The following CCDC57 variants were observed in gnomAD, a reference collection of about 807,000 sequenced individuals.
The protein encoded by CCDC57 is coiled-coil domain containing 57, also known as coiled-coil domain-containing protein 57.
Under a neutral mutation model 118.9 loss-of-function variants are expected in CCDC57, and 118 were observed. The ratio of observed to expected loss-of-function variants is 0.99; its 90% CI spans 0.86 to 1.16. The LOEUF (loss-of-function observed/expected upper bound fraction) is 1.16. Ranked by LOEUF, CCDC57 falls within the 50% of genes most tolerant of loss-of-function variation. The pLI is 0.00. For missense variants in CCDC57, 1,300 were observed against 1,320.7 expected, an observed-to-expected ratio of 0.98 and a Z score of 0.24; for synonymous variants, 527 against 532.9, an observed-to-expected ratio of 0.99 and a Z score of 0.15.
At chr17:82,104,968 C>G (rs1001704023) in intron 19 of CCDC57, 23 of 152,404 alleles carry the variant, frequency 1.5e-4, no homozygotes, top group African/African-American at 5.3e-4. Flanking sequence ...GAGCTGGTCC[C>G]CAGCTTTCTG....
At chr17:82,138,519 C>T (rs1025991746) in intron 16 of CCDC57, among the ~76,000 whole-genome samples, 3 of 151,812 alleles carry the variant, frequency 2.0e-5, no homozygotes, top group Non-Finnish European at 4.4e-5. Context: ...TGCCCTCCAG[C>T]CTGCATGACA....
intron 2 of CCDC57, among the ~76,000 whole-genome samples, chr17:82,204,569 G>A (rs1014188380): frequency 2.0e-5 from 3 of 152,196 alleles, no homozygotes; most frequent in African/African-American, 7.2e-5. Flanking sequence ...GGATCATAAG[G>A]TCAGGAGATT....
At chr17:82,157,828 T>C in exon 15 of CCDC57, 2 of 1,604,324 alleles carry the variant, frequency 1.2e-6, no homozygotes, top group East Asian at 2.2e-5. Context: ...TGGGCTATCC[T>C]GAGATGCTTC....
At chr17:82,208,697 AT>A (rs58043347) in intron 1 of CCDC57, among the ~76,000 whole-genome samples, 7,140 of 150,466 alleles carry the variant, frequency 0.047, 217 homozygotes, top group African/African-American at 0.089. Flanking sequence ...TGCCCAGTTA[AT>A]TTTTTTTTTA....
intron 17 of CCDC57, among the ~76,000 whole-genome samples, chr17:82,133,489 C>T (rs923222784): frequency 1.5e-5 from 2 of 132,488 alleles, no homozygotes; most frequent in African/African-American, 5.6e-5. Flanking sequence ...ACTTATCATA[C>T]CAGATTAAAA....
chr17:82,207,390 G>A (rs2049799789), intron 2 of CCDC57, among the ~76,000 whole-genome samples: 1 of 151,526 alleles, frequency 6.6e-6, no homozygotes, highest in Admixed American at 6.6e-5. Context: ...TGCAGCTACA[G>A]GCTACAAGAT....
At chr17:82,107,766 C>G (rs192170116) in intron 19 of CCDC57, 1 of 374,036 alleles carries the variant, frequency 2.7e-6, no homozygotes, top group Non-Finnish European at 5.4e-6. Context: ...CGTGGACCGG[C>G]GTCCACCTGA....
chr17:82,181,936 G>C (rs2046258047), intron 9 of CCDC57, among the ~76,000 whole-genome samples: 1 of 152,034 alleles, frequency 6.6e-6, no homozygotes, highest in Non-Finnish European at 1.5e-5. Context: ...TGGCCAACAT[G>C]GTGAAACCCT....
At chr17:82,206,012 C>T (rs906355104) in intron 2 of CCDC57, among the ~76,000 whole-genome samples, 5 of 152,252 alleles carry the variant, frequency 3.3e-5, no homozygotes, top group African/African-American at 7.2e-5. Flanking sequence ...AGCATCTGGA[C>T]GCAATCTGCC....
chr17:82,144,045 G>C (rs2040385764), intron 16 of CCDC57, among the ~76,000 whole-genome samples: 1 of 142,552 alleles, frequency 7.0e-6, no homozygotes, highest in Non-Finnish European at 1.5e-5. Flanking sequence ...CAGACAGCAA[G>C]ATTCCATCTC....
rs552798816 is a variant in CCDC57, at chr17:82,139,793, A to G, written c.2456-5599T>C. Reference sequence around the variant, plus strand: ...GCACAGGCTTCTGATGGCGGCATTTAGATGACACTGAGCCCATCCCAGGAC... The same window carrying G: ...GCACAGGCTTCTGATGGCGGCATTTGGATGACACTGAGCCCATCCCAGGAC... On this transcript the variant is annotated intron_variant, in intron 16 of 19. Transcript: ENST00000665763. Among the ~76,000 whole-genome samples the G allele has an allele frequency of 3.3e-5, 5 of 152,316 alleles. No individual in the cohort carries two copies. In the South Asian group the frequency reaches 1.0e-3, roughly 32 times the overall value.
intron 15 of CCDC57, chr17:82,155,795 G>A (rs1412549011): frequency 6.6e-6 from 1 of 152,236 alleles, no homozygotes; most frequent in Admixed American, 6.5e-5. Flanking sequence ...CTGCTTGGCA[G>A]AGGACAGAGC....
chr17:82,151,543 C>T lies in CCDC57; in HGVS notation c.2455+17G>A. 6.5e-7 allele frequency: 1 copy of T among 1,549,668 alleles called. No individual in the cohort carries two copies. Among genetic ancestry groups the T allele is most frequent in the African/African-American group, 1.4e-5 (1 of 73,176 alleles). On this transcript the variant is annotated intron_variant, in intron 16 of 19. Coordinates refer to ENST00000665763, the Ensembl canonical transcript of CCDC57. ...CTGACCCACACTCAGGCCATGGCCTCCACTTCCCGGACTCACTTTCGGGTC... is the reference window on the plus strand; with the variant it reads ...CTGACCCACACTCAGGCCATGGCCTTCACTTCCCGGACTCACTTTCGGGTC...
At chr17:82,188,319 G>A in exon 8 of CCDC57, 2 of 1,606,114 alleles carry the variant, frequency 1.2e-6, no homozygotes, top group Non-Finnish European at 1.7e-6. Context: ...TGCAGCTCCA[G>A]AACCCTGGTC....
chr17:82,197,005 GTGACTCCTGCAGACGCAGCCCCTCA>G (rs1207409421), intron 4 of CCDC57, among the ~76,000 whole-genome samples: 5 of 123,260 alleles, frequency 4.1e-5, no homozygotes, highest in African/African-American at 1.6e-4. Context: ...TCAGCCCCTC[GTGACTCCTGCAGACGCAGCCCCTCA>G]TGACTCCTGC....
At chr17:82,201,622 C>T (rs907476305) in exon 3 of CCDC57, 1 of 1,613,782 alleles carries the variant, frequency 6.2e-7, no homozygotes, top group Non-Finnish European at 8.5e-7. Context: ...CCTGGCCTCT[C>T]TGGCTAGCGC....
intron 19 of CCDC57, among the ~76,000 whole-genome samples, chr17:82,110,058 G>A (rs889875058): frequency 9.4e-5 from 14 of 148,472 alleles, no homozygotes; most frequent in Non-Finnish European, 1.8e-4. Context: ...TCAGCTCACT[G>A]CAATGTCCAC....
chr17:82,148,673 TG>T (rs1469478524), intron 16 of CCDC57, among the ~76,000 whole-genome samples: 2 of 83,222 alleles, frequency 2.4e-5, no homozygotes, highest in Non-Finnish European at 4.4e-5. Flanking sequence ...AGTGGGTGGA[TG>T]GGTAGATGGA....
At chr17:82,169,127 TTTTAC>T (rs2044353871) in intron 13 of CCDC57, among the ~76,000 whole-genome samples, 1 of 152,112 alleles carries the variant, frequency 6.6e-6, no homozygotes, top group Non-Finnish European at 1.5e-5. Context: ...CCTTATTTTA[TTTTAC>T]TTTATTTTTT....
Sources: gnomAD v4.1 joint callset for allele counts (sites outside exome capture counted in the v4.1 genomes callset) on GRCh38, gnomAD v4.1.1 for gene constraint, MANE v1.5 for transcripts, NCBI Gene and HGNC (gene_info 2026-07-23, HGNC 2026-07-21) for gene names.